GRAMD4: variants seen among roughly 807,000 people sequenced by gnomAD.
GRAMD4 encodes the protein GRAM domain containing 4.
Under a neutral mutation model 83.9 loss-of-function variants are expected in GRAMD4, and 25 were observed. The observed-to-expected ratio is 0.30, with a 90% CI of 0.22 to 0.42. The LOEUF is 0.42. Among genes scored for constraint, GRAMD4 ranks in the 10% least tolerant of loss-of-function variants. GRAMD4 has a pLI of 1.00. For synonymous variants in GRAMD4, 336 were observed against 320.9 expected (o/e 1.05, Z -0.50); for missense variants, 593 against 788.7 (o/e 0.75, Z 2.97).
At chr22:46,671,652 T>A (rs895483360) in intron 13 of GRAMD4, among the ~76,000 whole-genome samples, 1 of 123,972 alleles carries the variant, frequency 8.1e-6, no homozygotes, top group Non-Finnish European at 1.6e-5. Context: ...CAAGACTCCG[T>A]CTCAAAAATA....
chr22:46,587,886 G>A (rs2081166620), intron 1 of GRAMD4: 4 of 985,278 alleles, frequency 4.1e-6, no homozygotes, highest in Non-Finnish European at 4.8e-6. Flanking sequence ...GTGGGGCCGC[G>A]GGAGGATGGT....
chr22:46,621,421 G>A lies in GRAMD4; in HGVS notation c.-50+856G>A, dbSNP rs527367707. Among the ~76,000 whole-genome samples, 147 of 152,318 alleles carry A rather than the reference G, an allele frequency of 9.7e-4. No homozygotes were observed. The highest frequency in any genetic ancestry group is 3.2e-3 in the African/African-American group (131 of 41,566). On this transcript the variant is annotated intron_variant, in intron 1 of 18. Transcript: ENST00000406902. The surrounding 1 kb of genome is among the most constrained non-coding windows in gnomAD (Gnocchi z 5.8). ...AGTGGAGCACTCTTCAGTGCAGTGCGGGGGCTGCCCATGTGGCCGTGGAGG... is the reference window on the plus strand; with the variant it reads ...AGTGGAGCACTCTTCAGTGCAGTGCAGGGGCTGCCCATGTGGCCGTGGAGG...
intron 13 of GRAMD4, among the ~76,000 whole-genome samples, chr22:46,671,891 A>G (rs1252496325): frequency 6.6e-6 from 1 of 152,224 alleles, no homozygotes; most frequent in Non-Finnish European, 1.5e-5. Context: ...TGATTGATGA[A>G]TTTCTGTGAA....
chr22:46,673,843 C>T lies in GRAMD4; in HGVS notation c.1384+29C>T, dbSNP rs757529910. 3 of 1,610,542 alleles carry T rather than the reference C, an allele frequency of 1.9e-6. No individual in the cohort carries two copies. In the East Asian group the frequency reaches 6.7e-5, roughly 36 times the overall value. ...TGTGTGCCGTGAGTCTGAGGCCAGGCCGAGCGCCGACACAGACTGAAGGCC... is the reference window on the plus strand; with the variant it reads ...TGTGTGCCGTGAGTCTGAGGCCAGGTCGAGCGCCGACACAGACTGAAGGCC... On this transcript the variant is annotated intron_variant, in intron 15 of 18. Transcript: ENST00000406902.
intron 14 of GRAMD4, among the ~76,000 whole-genome samples, chr22:46,673,355 T>C (rs1312048574): frequency 6.6e-6 from 1 of 152,236 alleles, no homozygotes; most frequent in African/African-American, 2.4e-5. Flanking sequence ...AGCCTGGCAC[T>C]GGGCCATATT....
chr22:46,612,140 A>G (rs1045287801), intron 1 of GRAMD4, among the ~76,000 whole-genome samples: 2 of 151,230 alleles, frequency 1.3e-5, no homozygotes, highest in African/African-American at 2.4e-5. Flanking sequence ...AGAAGCTGGG[A>G]CTACAGGTGC....
intron 2 of GRAMD4, among the ~76,000 whole-genome samples, chr22:46,634,188 C>A (rs1414762160): frequency 6.6e-6 from 1 of 152,144 alleles, no homozygotes; most frequent in Non-Finnish European, 1.5e-5. Flanking sequence ...CGGTGGGGAG[C>A]GAGGCTGCAG....
chr22:46,581,087 G>C (rs2081094177), intron 1 of GRAMD4, among the ~76,000 whole-genome samples: 2 of 152,102 alleles, frequency 1.3e-5, no homozygotes, highest in African/African-American at 2.4e-5. Context: ...CGGACACTTT[G>C]GGCTGGTAAT....
chr22:46,615,454 T>C (rs1288375729), upstream of GRAMD4, among the ~76,000 whole-genome samples: 19 of 89,926 alleles, frequency 2.1e-4, no homozygotes, highest in South Asian at 5.0e-4. Flanking sequence ...CGTGTCGGTT[T>C]CCCCGTGTGT....
At chr22:46,674,317 C>A (rs1404725739) in intron 15 of GRAMD4, among the ~76,000 whole-genome samples, 1 of 152,142 alleles carries the variant, frequency 6.6e-6, no homozygotes, top group Non-Finnish European at 1.5e-5. Flanking sequence ...TCTGCTGAGC[C>A]CTGGCCCTGC....
chr22:46,587,883 C>G, intron 1 of GRAMD4: 1 of 985,092 alleles, frequency 1.0e-6, no homozygotes, highest in Non-Finnish European at 1.2e-6. Flanking sequence ...GGGGTGGGGC[C>G]GCGGGAGGAT....
At chr22:46,609,430 G>C (rs554645284) in intron 1 of GRAMD4, among the ~76,000 whole-genome samples, 1 of 152,350 alleles carries the variant, frequency 6.6e-6, no homozygotes, top group African/African-American at 2.4e-5. Context: ...CCTCAGCTGG[G>C]CCACATTTAA....
intron 18 of GRAMD4, 139 bp downstream of exon 18, chr22:46,676,807 C>A: frequency 1.3e-6 from 1 of 787,280 alleles, no homozygotes; most frequent in Non-Finnish European, 2.1e-6. Context: ...CCCTCCCTCG[C>A]AGCAGCTAGA....
chr22:46,664,249 C>A, intron 8 of GRAMD4, 132 bp downstream of exon 8: 1 of 700,266 alleles, frequency 1.4e-6, no homozygotes, highest in Non-Finnish European at 2.6e-6. Context: ...GGGACATGCT[C>A]ATTTCTCCTT....
chr22:46,654,259 G>C (rs2082209551), intron 3 of GRAMD4, among the ~76,000 whole-genome samples: 1 of 152,210 alleles, frequency 6.6e-6, no homozygotes. Flanking sequence ...TCGGAGGAAG[G>C]GTCCCCAGGC....
intron 1 of GRAMD4, among the ~76,000 whole-genome samples, chr22:46,600,040 A>G (rs1238885334): frequency 1.3e-5 from 2 of 152,168 alleles, no homozygotes; most frequent in African/African-American, 4.8e-5. Context: ...TTATTTGTCA[A>G]AGGGTCCTGC....
chr22:46,652,569 C>G (rs1248713055), intron 3 of GRAMD4, among the ~76,000 whole-genome samples: 1 of 152,200 alleles, frequency 6.6e-6, no homozygotes, highest in Non-Finnish European at 1.5e-5. Context: ...GCTCCCACCC[C>G]CACCCTGCAG....
chr22:46,622,914 A>G lies in GRAMD4; in HGVS notation c.-50+2349A>G. ...GCGACAGAGCAAGACTCCATCTCTA[A>G]AAAAAAAAAAAAAAAAACTGATGAA... On this transcript the variant is annotated intron_variant, in intron 1 of 18. Transcript: ENST00000406902. This position sits in a 1 kb window ranked among gnomAD's most constrained non-coding sequence, Gnocchi z 4.0. 1.0e-5 allele frequency among the ~76,000 whole-genome samples: 1 copy of G among 97,406 alleles called. No homozygotes were observed. The highest frequency in any genetic ancestry group is 1.3e-4 in the Admixed American group (1 of 7,734). The allele number at this position is 97,406 out of a possible 152,430, so 63.9% of individuals were successfully genotyped here.
downstream of GRAMD4, among the ~76,000 whole-genome samples, chr22:46,680,586 C>CCACCCACCCATT: frequency 4.3e-5 from 1 of 23,170 alleles, no homozygotes; most frequent in African/African-American, 2.0e-4. Flanking sequence ...ATCCATCCAT[C>CCACCCACCCATT]CATCCATCCA....
Sources: gnomAD v4.1 joint callset for allele counts (sites outside exome capture counted in the v4.1 genomes callset) on GRCh38, gnomAD v4.1.1 for gene constraint, Gnocchi (gnomAD v3.1) non-coding constraint, MANE v1.5 for transcripts, NCBI Gene and HGNC (gene_info 2026-07-23, HGNC 2026-07-21) for gene names.